BACH2: variants seen among roughly 807,000 people sequenced by gnomAD.
BACH2 encodes the protein BACH transcriptional regulator 2.
A neutral mutation model predicts 61.8 loss-of-function variants in BACH2; 5 were observed. The ratio of observed to expected loss-of-function variants is 0.08; its 90% CI spans 0.04 to 0.17. The LOEUF (loss-of-function observed/expected upper bound fraction) is 0.17. BACH2 is among the 10% of genes least tolerant of loss of function. The pLI is 1.00. For missense variants in BACH2, 824 were observed against 1,091.1 expected (o/e 0.76, Z 3.45); for synonymous variants, 446 against 440.1 (o/e 1.01, Z -0.17).
intron 4 of BACH2, among the ~76,000 whole-genome samples, chr6:90,202,125 T>C (rs544840437): frequency 2.6e-5 from 4 of 152,236 alleles, no homozygotes; most frequent in Non-Finnish European, 5.9e-5. Flanking sequence ...TCATAATGTA[T>C]TTCTTGCAAG....
At chr6:90,190,325 C>G (rs1427722246) in intron 4 of BACH2, among the ~76,000 whole-genome samples, 3 of 152,210 alleles carry the variant, frequency 2.0e-5, no homozygotes, top group African/African-American at 7.2e-5. Flanking sequence ...ACTCTTTAAG[C>G]TACCATTACA....
intron 5 of BACH2, among the ~76,000 whole-genome samples, chr6:90,055,860 C>G (rs1431723777): frequency 2.0e-5 from 3 of 152,164 alleles, no homozygotes; most frequent in Non-Finnish European, 4.4e-5. Context: ...AATCTCATAT[C>G]CAGCCAAACT....
At chr6:90,265,533 A>T (rs914699838) in intron 2 of BACH2, among the ~76,000 whole-genome samples, 1 of 152,216 alleles carries the variant, frequency 6.6e-6, no homozygotes, top group Non-Finnish European at 1.5e-5. Flanking sequence ...TATCCTGAAC[A>T]TGGCTGTCTT....
intron 5 of BACH2, among the ~76,000 whole-genome samples, chr6:90,041,223 A>C (rs1239268218): frequency 6.6e-6 from 1 of 152,150 alleles, no homozygotes; most frequent in East Asian, 1.9e-4. Flanking sequence ...TGCTGGGCCA[A>C]ATGGTAGCTA....
intron 7 of BACH2, among the ~76,000 whole-genome samples, chr6:89,947,727 A>G (rs562349383): frequency 9.7e-4 from 147 of 151,506 alleles, no homozygotes; most frequent in Non-Finnish European, 1.7e-3. Flanking sequence ...CACGACGCCC[A>G]GCTAATTTTT....
chr6:90,275,682 G>A (rs1377976752), intron 1 of BACH2, among the ~76,000 whole-genome samples: 1 of 151,744 alleles, frequency 6.6e-6, no homozygotes, highest in Non-Finnish European at 1.5e-5. Context: ...AGGCCCCAGT[G>A]CCTGTTGTTC....
intron 3 of BACH2, among the ~76,000 whole-genome samples, chr6:90,206,967 C>T (rs1769165272): frequency 1.3e-5 from 2 of 152,122 alleles, no homozygotes; most frequent in South Asian, 4.1e-4. Flanking sequence ...ATGAACTAAA[C>T]AGTCCAATTC....
intron 6 of BACH2, chr6:90,001,483 T>G (rs1367796478): frequency 6.6e-6 from 1 of 152,252 alleles, no homozygotes; most frequent in Non-Finnish European, 1.5e-5. Flanking sequence ...TGACAGATGT[T>G]GCAGCCAGAT....
intron 5 of BACH2, among the ~76,000 whole-genome samples, chr6:90,045,459 G>T (rs1412995814): frequency 6.6e-6 from 1 of 152,186 alleles, no homozygotes; most frequent in Non-Finnish European, 1.5e-5. Flanking sequence ...TAATAAAGGT[G>T]GGGGGAAGAT....
chr6:90,195,436 T>G (rs1415549718), intron 4 of BACH2, among the ~76,000 whole-genome samples: 1 of 152,320 alleles, frequency 6.6e-6, no homozygotes, highest in East Asian at 1.9e-4. Flanking sequence ...TAAATCACCT[T>G]GGATTTTTCT....
intron 4 of BACH2, among the ~76,000 whole-genome samples, chr6:90,169,168 TAA>T (rs35775210): frequency 1.3e-4 from 18 of 141,940 alleles, no homozygotes; most frequent in East Asian, 4.0e-4. Context: ...TACTGGTGAT[TAA>T]AAAAAAAAAA....
At chr6:90,269,133 T>C (rs1347406332) in intron 2 of BACH2, among the ~76,000 whole-genome samples, 2 of 152,108 alleles carry the variant, frequency 1.3e-5, no homozygotes, top group African/African-American at 4.8e-5. Flanking sequence ...AAGATGCTAA[T>C]AGCAACAGAA....
intron 5 of BACH2, among the ~76,000 whole-genome samples, chr6:90,061,002 T>C (rs1780658489): frequency 6.6e-6 from 1 of 152,196 alleles, no homozygotes; most frequent in African/African-American, 2.4e-5. Flanking sequence ...AGTTCTAAAA[T>C]GCAACAGAGA....
At chr6:90,211,574 A>G (rs1769350528) in intron 3 of BACH2, among the ~76,000 whole-genome samples, 1 of 147,432 alleles carries the variant, frequency 6.8e-6, no homozygotes, top group Non-Finnish European at 1.5e-5. Context: ...AGAGAAGCTT[A>G]AAAGTGTCAA....
chr6:90,245,743 A>T (rs946772294), intron 3 of BACH2, among the ~76,000 whole-genome samples: 9 of 152,246 alleles, frequency 5.9e-5, no homozygotes, highest in Non-Finnish European at 1.2e-4. Flanking sequence ...GATCAGAAAT[A>T]ATCTGAATTT....
At position 90,217,565 on chromosome 6, in the gene BACH2, T is replaced by C. The variant is rs548912322; in HGVS notation, c.-274-10884A>G. Among the ~76,000 whole-genome samples, 15 of 152,290 alleles carry C rather than the reference T, an allele frequency of 9.8e-5. No homozygotes were observed. The East Asian group carries it at 2.3e-3, about 23-fold the overall frequency. ...TTCTGTTTTCAAATATTCCCTCTCA[T>C]CCACGCGGCATATTTTCATTACATT... is the stretch of plus-strand genomic sequence containing the variant. On this transcript the variant is annotated intron_variant, in intron 3 of 8. Coordinates refer to ENST00000257749, the MANE Select transcript of BACH2 (RefSeq NM_021813.4).
At chr6:89,978,342 C>T (rs1775766881) in intron 6 of BACH2, among the ~76,000 whole-genome samples, 1 of 152,136 alleles carries the variant, frequency 6.6e-6, no homozygotes, top group Non-Finnish European at 1.5e-5. Context: ...AAAATTCACA[C>T]ACCAACTGCA....
intron 4 of BACH2, among the ~76,000 whole-genome samples, chr6:90,128,132 C>T (rs562447151): frequency 2.6e-5 from 4 of 152,310 alleles, no homozygotes; most frequent in Non-Finnish European, 4.4e-5. Flanking sequence ...CTCCTTCCCT[C>T]TTATTCCTCC....
intron 3 of BACH2, among the ~76,000 whole-genome samples, chr6:90,239,789 G>C (rs1030383933): frequency 7.3e-6 from 1 of 136,756 alleles, no homozygotes; most frequent in Non-Finnish European, 1.5e-5. Flanking sequence ...CATAGTAAGG[G>C]GGGGGGAATA....
Sources: gnomAD v4.1 joint callset for allele counts (sites outside exome capture counted in the v4.1 genomes callset) on GRCh38, gnomAD v4.1.1 for gene constraint, MANE v1.5 for transcripts, NCBI Gene and HGNC (gene_info 2026-07-23, HGNC 2026-07-21) for gene names.